The following TIMP2 variants were observed in gnomAD, a reference collection of about 807,000 sequenced individuals.
The protein encoded by TIMP2 is metalloproteinase inhibitor 2.
TIMP2 carries 5 observed loss-of-function variants against 24.3 expected under a neutral mutation model. The ratio of observed to expected loss-of-function variants is 0.21; its 90% CI spans 0.11 to 0.43. The LOEUF (loss-of-function observed/expected upper bound fraction) is 0.43. Among genes scored for constraint, TIMP2 ranks in the 20% least tolerant of loss-of-function variants. The pLI is 1.00. For missense variants in TIMP2, 221 were observed against 297.5 expected (o/e 0.74, Z 1.89); for synonymous variants, 130 against 123.2 (o/e 1.06, Z -0.37).
chr17:78,883,417 C>G (rs1901864744), intron 1 of TIMP2, among the ~76,000 whole-genome samples: 1 of 152,204 alleles, frequency 6.6e-6, no homozygotes, highest in South Asian at 2.1e-4. Flanking sequence ...ACTTGGCCAG[C>G]ATGACTCAGG....
intron 4 of TIMP2, chr17:78,857,310 T>C (rs937902118): frequency 6.7e-6 from 4 of 598,464 alleles, no homozygotes; most frequent in African/African-American, 1.9e-5. Flanking sequence ...CTGTCAGAGA[T>C]GTGCCTCAGG....
intron 1 of TIMP2, among the ~76,000 whole-genome samples, chr17:78,886,554 C>A (rs1024986250): frequency 8.5e-5 from 13 of 152,138 alleles, no homozygotes; most frequent in African/African-American, 3.1e-4. Context: ...CACGGTGACA[C>A]CCCACCCCGA....
At chr17:78,857,323 T>A in intron 4 of TIMP2, 199 bp downstream of exon 4, 1 of 670,258 alleles carries the variant, frequency 1.5e-6, no homozygotes, top group South Asian at 2.0e-5. Flanking sequence ...GCCTCAGGGC[T>A]CTCCAGGGAC....
At chr17:78,876,726 C>T (rs2069731365) in intron 1 of TIMP2, among the ~76,000 whole-genome samples, 3 of 151,298 alleles carry the variant, frequency 2.0e-5, no homozygotes, top group African/African-American at 4.9e-5. Context: ...AGGGTTTTAG[C>T]ATGTTGGCCA....
intron 4 of TIMP2, 135 bp downstream of exon 4, chr17:78,857,387 T>C (rs1308463817): frequency 1.8e-5 from 22 of 1,244,034 alleles, no homozygotes; most frequent in Non-Finnish European, 2.4e-5. Context: ...GGGATGACTC[T>C]ACCTTCCCAG....
intron 1 of TIMP2, among the ~76,000 whole-genome samples, chr17:78,884,867 G>A (rs762470447): frequency 5.3e-5 from 8 of 152,254 alleles, no homozygotes; most frequent in Non-Finnish European, 1.0e-4. Context: ...TTTGTCTTAT[G>A]TGTCGGAGAT....
intron 1 of TIMP2, among the ~76,000 whole-genome samples, chr17:78,883,571 C>T (rs908801465): frequency 2.6e-5 from 4 of 152,182 alleles, no homozygotes; most frequent in African/African-American, 7.2e-5. Context: ...GGGGCCACAC[C>T]GCCTGCCAGC....
intron 1 of TIMP2, among the ~76,000 whole-genome samples, chr17:78,883,442 G>A (rs186285022): frequency 6.6e-6 from 1 of 152,170 alleles, no homozygotes; most frequent in African/African-American, 2.4e-5. Flanking sequence ...GGTGAAAAAC[G>A]CCTGGAATGA....
intron 1 of TIMP2, among the ~76,000 whole-genome samples, chr17:78,888,246 A>G (rs750174434): frequency 1.4e-5 from 2 of 139,792 alleles, no homozygotes; most frequent in African/African-American, 5.5e-5. Flanking sequence ...TGCAACCTCC[A>G]CCTCCCGGAT....
chr17:78,872,805 GATAACA>G (rs1470049159), intron 2 of TIMP2, among the ~76,000 whole-genome samples: 1 of 151,918 alleles, frequency 6.6e-6, no homozygotes, highest in African/African-American at 2.4e-5. Context: ...CTGACCTTCT[GATAACA>G]TTGATTTTCA....
rs1002050595 is a variant in TIMP2 at position 78,855,394 on chromosome 17, C to T, written c.*273G>A. Reference sequence around the variant, plus strand: ...CCAAGGCAGGGACTGGGAGGGAAGCCGCGTGTCCCAGCCCTGCCTGCACCC... The same window carrying T: ...CCAAGGCAGGGACTGGGAGGGAAGCTGCGTGTCCCAGCCCTGCCTGCACCC... On this transcript the variant is annotated 3_prime_UTR_variant, in exon 5 of 5. Coordinates refer to ENST00000262768, the MANE Select transcript of TIMP2 (RefSeq NM_003255.5). The surrounding 1 kb of genome is among the most constrained non-coding windows in gnomAD (Gnocchi z 6.0). 23 of 493,830 alleles carry T rather than the reference C, an allele frequency of 4.7e-5. No homozygotes were observed. The highest frequency in any genetic ancestry group is 2.0e-4 in the Admixed American group (6 of 30,214). 30.6% of individuals were successfully genotyped at this position (493,830 alleles called of 1,614,324 possible). A position where few individuals can be genotyped will look rare whatever the true frequency, so the allele number is the denominator to read the frequency against.
At chr17:78,874,735 G>A (rs1447502260) in intron 1 of TIMP2, among the ~76,000 whole-genome samples, 3 of 144,720 alleles carry the variant, frequency 2.1e-5, no homozygotes, top group Non-Finnish European at 3.0e-5. Context: ...CTGTCACCAC[G>A]CCCGGTTAAT....
At chr17:78,914,274 T>TTTATTTATTTAC (rs1555652637) in intron 1 of TIMP2, among the ~76,000 whole-genome samples, 5 of 136,458 alleles carry the variant, frequency 3.7e-5, no homozygotes, top group Admixed American at 1.4e-4. Context: ...TATTTATTTA[T>TTTATTTATTTAC]TTATTTATTT....
intron 1 of TIMP2, among the ~76,000 whole-genome samples, chr17:78,888,181 A>G (rs990065198): frequency 1.4e-5 from 2 of 148,070 alleles, no homozygotes; most frequent in African/African-American, 5.0e-5. Flanking sequence ...CTTTTTTGAG[A>G]TGGAGTCTCG....
Position 78,855,625 on chromosome 17 carries a change from A to C in TIMP2, c.*42T>G. On this transcript the variant is annotated 3_prime_UTR_variant, in exon 5 of 5. Transcript: ENST00000262768. This position sits in a 1 kb window ranked among gnomAD's most constrained non-coding sequence, Gnocchi z 6.0. ...GAGCTGGACCAGTCGAAACCCTTGG[A>C]GGCTTTTTTTGCAGTTGGCCACAGG... 1.2e-6 allele frequency: 2 copies of C among 1,606,562 alleles called. No individual in the cohort carries two copies. The highest frequency in any genetic ancestry group is 1.7e-6 in the Non-Finnish European group (2 of 1,176,860).
chr17:78,885,037 G>A (rs1276982681), intron 1 of TIMP2, among the ~76,000 whole-genome samples: 1 of 152,202 alleles, frequency 6.6e-6, no homozygotes, highest in Non-Finnish European at 1.5e-5. Flanking sequence ...GCCAGACCCT[G>A]CTGGCCCCCC....
In TIMP2 at chr17:78,879,549, G is replaced by A. The variant is rs117561189; in HGVS notation, c.131-5630C>T. Among the ~76,000 whole-genome samples the A allele has an allele frequency of 2.0e-3, 311 of 152,306 alleles. 6 individuals carry two copies. In the East Asian group the frequency reaches 0.051, roughly 25 times the overall value. On this transcript the variant is annotated intron_variant, in intron 1 of 4. Transcript: ENST00000262768. Reference sequence around the variant, plus strand: ...ATCTCCTGTCCATGCCCCCGAGAGGGGCTGCTCTGCTCCTCTGCCCCTTCC... The same window carrying A: ...ATCTCCTGTCCATGCCCCCGAGAGGAGCTGCTCTGCTCCTCTGCCCCTTCC...
At chr17:78,908,396 A>G (rs1439379435) in intron 1 of TIMP2, among the ~76,000 whole-genome samples, 1 of 152,228 alleles carries the variant, frequency 6.6e-6, no homozygotes, top group Non-Finnish European at 1.5e-5. Flanking sequence ...TGCTGCCAAA[A>G]TGCCCTTCCA....
chr17:78,913,356 C>T (rs1181383460), intron 1 of TIMP2, among the ~76,000 whole-genome samples: 5 of 152,242 alleles, frequency 3.3e-5, no homozygotes, highest in South Asian at 2.1e-4. Context: ...GTACTCAAAC[C>T]GCTGAACTGT....
Sources: gnomAD v4.1 joint callset for allele counts (sites outside exome capture counted in the v4.1 genomes callset) on GRCh38, gnomAD v4.1.1 for gene constraint, Gnocchi (gnomAD v3.1) non-coding constraint, MANE v1.5 for transcripts, NCBI Gene and HGNC (gene_info 2026-07-23, HGNC 2026-07-21) for gene names.